The following SPRY3 variants were observed in gnomAD, a reference collection of about 807,000 sequenced individuals.
The protein encoded by SPRY3 is sprouty RTK signaling antagonist 3.
A neutral mutation model predicts 20.2 loss-of-function variants in SPRY3; 15 were observed. The ratio of observed to expected loss-of-function variants is 0.74; its 90% confidence interval spans 0.50 to 1.14. The LOEUF is 1.14. Among genes scored for constraint, SPRY3 ranks in the 50% most tolerant of loss-of-function variants. The pLI, the probability that SPRY3 is intolerant of heterozygous loss-of-function variation, is 0.00. For missense variants in SPRY3, 364 were observed against 363.9 expected (o/e 1.00, Z 0.00); for synonymous variants, 143 against 136.5 (o/e 1.05, Z -0.33).
At chrX:155,729,798 CA>C (rs1470210180) in intron 2 of SPRY3, among the ~76,000 whole-genome samples, 1 of 151,038 alleles carries the variant, frequency 6.6e-6, no homozygotes, top group Non-Finnish European at 1.5e-5. Context: ...ACAAAATTCA[CA>C]AAACTTTAGA....
At chrX:155,712,377 AG>A (rs2090992942) in intron 2 of SPRY3, among the ~76,000 whole-genome samples, 1 of 151,850 alleles carries the variant, frequency 6.6e-6, no homozygotes, top group Non-Finnish European at 1.5e-5. Context: ...CCCCAATATC[AG>A]GTACATATGT....
chrX:155,726,559 T>C (rs1406418553), intron 2 of SPRY3, among the ~76,000 whole-genome samples: 3 of 152,186 alleles, frequency 2.0e-5, no homozygotes, highest in South Asian at 4.2e-4. Flanking sequence ...AATTTATCCC[T>C]TTACCATTAT....
intron 2 of SPRY3, among the ~76,000 whole-genome samples, chrX:155,767,604 G>C (rs963149990): frequency 3.4e-5 from 5 of 148,688 alleles, no homozygotes; most frequent in African/African-American, 1.2e-4. Context: ...GGAAAGGGGA[G>C]GGCAAGAGGA....
intron 2 of SPRY3, among the ~76,000 whole-genome samples, chrX:155,749,940 T>A (rs2091252539): frequency 6.6e-6 from 1 of 151,748 alleles, no homozygotes; most frequent in Non-Finnish European, 1.5e-5. Flanking sequence ...ATTTGAGAGT[T>A]ATTTAAAGTC....
intron 2 of SPRY3, among the ~76,000 whole-genome samples, chrX:155,711,738 A>T: frequency 6.8e-6 from 1 of 146,096 alleles, no homozygotes; most frequent in East Asian, 2.0e-4. Flanking sequence ...TTATCTATTT[A>T]CTAATTTTGG....
intron 2 of SPRY3, among the ~76,000 whole-genome samples, chrX:155,740,539 G>A (rs2091198729): frequency 6.6e-6 from 1 of 152,120 alleles, no homozygotes; most frequent in African/African-American, 2.4e-5. Flanking sequence ...TTATGTGGTT[G>A]AGATAAGGAC....
intron 2 of SPRY3, among the ~76,000 whole-genome samples, chrX:155,742,926 C>G: frequency 6.6e-6 from 1 of 151,812 alleles, no homozygotes; most frequent in Non-Finnish European, 1.5e-5. Context: ...ACTAAAAGAA[C>G]TAAAAGAACC....
chrX:155,707,933 A>G (rs1287558541), intron 2 of SPRY3, among the ~76,000 whole-genome samples: 1 of 151,294 alleles, frequency 6.6e-6, no homozygotes, highest in East Asian at 1.9e-4. Context: ...AGATATGATT[A>G]GATTTACATG....
rs1336686235 is a variant in SPRY3, at chrX:155,670,595, A to AT, written c.-282+13572dup. Among the ~76,000 whole-genome samples, 3 of 112,211 alleles carry AT rather than the reference A, an allele frequency of 2.7e-5. No individual in the cohort carries two copies. In the Admixed American group the frequency reaches 2.8e-4, roughly 11 times the overall value. ...ATTGTCTCCTCTGTAAAATGAAGAC[A>AT]TTAGAGTAGAATGTTTCTTTTATTT... On this transcript the variant is annotated intron_variant, in intron 2 of 3. Coordinates refer to ENST00000675360, the Ensembl canonical transcript of SPRY3.
rs1168814142 is a variant in SPRY3 at position 155,635,525 on chromosome X, C to CA, written c.-440-21339dup. ...CTTAAACAAATTTACATGAAAAAAA[C>CA]AAACAACCCCATCAAAAAGTGGGCA... On this transcript the variant is annotated intron_variant, in intron 1 of 3. Transcript: ENST00000675360. Among the ~76,000 whole-genome samples the CA allele has an allele frequency of 1.6e-4, 18 of 111,351 alleles. No homozygotes were observed. In the Admixed American group the frequency reaches 1.7e-3, roughly 11 times the overall value.
chrX:155,763,908 A>T (rs1189925468), intron 2 of SPRY3, among the ~76,000 whole-genome samples: 17 of 152,192 alleles, frequency 1.1e-4, no homozygotes, highest in Non-Finnish European at 2.5e-4. Flanking sequence ...AAATGATCTG[A>T]ACAACCGGTT....
chrX:155,720,505 G>A (rs372655257), intron 2 of SPRY3, among the ~76,000 whole-genome samples: 8 of 152,184 alleles, frequency 5.3e-5, no homozygotes, highest in African/African-American at 1.9e-4. Context: ...ACCCCGTGCT[G>A]TACTGGCTTC....
At chrX:155,774,852 C>A (rs2091413478) in exon 4 of SPRY3, 2 of 1,238,628 alleles carry the variant, frequency 1.6e-6, no homozygotes, top group Non-Finnish European at 2.3e-6. Flanking sequence ...TAGGGCCTCT[C>A]TTTTGTTCCT....
intron 1 of SPRY3, among the ~76,000 whole-genome samples, chrX:155,633,586 T>C (rs1403852849): frequency 9.0e-6 from 1 of 110,569 alleles, no homozygotes; most frequent in Non-Finnish European, 1.9e-5. Flanking sequence ...TGGGGGATAT[T>C]AGACACTAGC....
intron 2 of SPRY3, among the ~76,000 whole-genome samples, chrX:155,756,799 C>G (rs2091285121): frequency 6.6e-6 from 1 of 151,900 alleles, no homozygotes; most frequent in African/African-American, 2.4e-5. Flanking sequence ...CATACACACA[C>G]AAATACAAAC....
exon 4 of SPRY3, chrX:155,773,808 C>T: frequency 1.3e-6 from 2 of 1,548,512 alleles, no homozygotes; most frequent in Non-Finnish European, 1.7e-6. Context: ...TACAAGGGCT[C>T]CTCTTTATCA....
intron 2 of SPRY3, among the ~76,000 whole-genome samples, chrX:155,672,509 A>T (rs2068044238): frequency 8.9e-6 from 1 of 111,800 alleles, no homozygotes; most frequent in African/African-American, 3.3e-5. Context: ...TCAAAACCAC[A>T]ATGAGATACC....
chrX:155,763,125 C>A lies in SPRY3; in HGVS notation c.-281-4837C>A, dbSNP rs770643331. ...ATAATACAGGAACAACAAAAAAAAA[C>A]CCCTCATGTTCTCACTTATAAGTGG... On this transcript the variant is annotated intron_variant, in intron 2 of 3. Coordinates refer to ENST00000675360, the Ensembl canonical transcript of SPRY3. Among the ~76,000 whole-genome samples, 91 of 151,348 alleles carry A rather than the reference C, an allele frequency of 6.0e-4. 1 individual carries two copies. The highest frequency in any genetic ancestry group is 6.8e-3 in the Middle Eastern group (2 of 294).
intron 1 of SPRY3, among the ~76,000 whole-genome samples, chrX:155,629,237 A>G (rs1418305055): frequency 2.1e-5 from 2 of 95,479 alleles, no homozygotes; most frequent in African/African-American, 4.0e-5. Flanking sequence ...ATTCCCACCT[A>G]TGAGTGAGAA....
Sources: allele counts gnomAD v4.1 joint callset (sites outside exome capture counted in the v4.1 genomes callset), GRCh38; gene constraint gnomAD v4.1.1; transcripts MANE v1.5; gene names NCBI Gene and HGNC (gene_info 2026-07-23, HGNC 2026-07-21).